Variants in RABEP1 observed in about 807,000 individuals in gnomAD.
RABEP1 encodes rab GTPase-binding effector protein 1.
A neutral mutation model predicts 123.4 loss-of-function variants in RABEP1; 51 were observed. That is an observed-to-expected ratio of 0.41 (90% CI 0.33 to 0.52). The LOEUF is 0.52. RABEP1 is among the 20% of genes least tolerant of loss of function. RABEP1 has a pLI of 0.16. For synonymous variants in RABEP1, 347 were observed against 355.2 expected (o/e 0.98, Z 0.26); for missense variants, 888 against 996.3 (o/e 0.89, Z 1.46).
chr17:5,383,353 C>T lies in RABEP1; in HGVS notation c.*130C>T. On this transcript the variant is annotated 3_prime_UTR_variant, in exon 18 of 18. Transcript: ENST00000537505. The stretch of plus-strand genomic sequence containing the variant: ...AAAAGGAAGACTGGAGAAATGCTTA[C>T]TTCTAGAGGGAGAAGACTGTGCGGC... 2 of 755,724 alleles carry T rather than the reference C, an allele frequency of 2.6e-6. No individual in the cohort carries two copies. The highest frequency in any genetic ancestry group is 2.7e-5 in the East Asian group (1 of 37,074). The allele number at this position is 755,724 out of a possible 1,614,324, so 46.8% of individuals were successfully genotyped here. A position where few individuals can be genotyped will look rare whatever the true frequency, so the allele number is the denominator to read the frequency against.
In RABEP1 at chr17:5,283,130, C is replaced by T. The variant is rs2074944597; in HGVS notation, c.34+610C>T. Among the ~76,000 whole-genome samples the T allele has an allele frequency of 2.0e-5, 3 of 152,094 alleles. No homozygotes were observed. The South Asian group carries it at 6.2e-4, about 32-fold the overall frequency. ...CTTAGCCTCGTTGAGCCTCAGTATT[C>T]TCACCCACGAATTAACCAAGAGGTT... On this transcript the variant is annotated intron_variant, in intron 1 of 17. Transcript: ENST00000537505.
At chr17:5,370,216 T>TTGTAGGTATATGATGTGTGTG (rs1910420492) in intron 12 of RABEP1, among the ~76,000 whole-genome samples, 1 of 152,210 alleles carries the variant, frequency 6.6e-6, no homozygotes, top group South Asian at 2.1e-4. Flanking sequence ...CTGTGTATGT[T>TTGTAGGTATATGATGTGTGTG]TGTAGGTATA....
intron 1 of RABEP1, among the ~76,000 whole-genome samples, chr17:5,302,673 A>G (rs1191241151): frequency 6.9e-6 from 1 of 144,642 alleles, no homozygotes; most frequent in Non-Finnish European, 1.5e-5. Context: ...AGCGACAGGC[A>G]CACACAACCA....
chr17:5,378,099 G>A, intron 14 of RABEP1, 78 bp from the exon 15 acceptor site: 2 of 1,102,634 alleles, frequency 1.8e-6, no homozygotes, highest in Non-Finnish European at 2.7e-6. Context: ...TTTGGGGGGT[G>A]CTCTAAAATT....
At chr17:5,367,399 G>A (rs1481336945) in intron 11 of RABEP1, among the ~76,000 whole-genome samples, 1 of 151,716 alleles carries the variant, frequency 6.6e-6, no homozygotes. Context: ...AGCCTCCTGA[G>A]TAGCTGGGAC....
chr17:5,295,369 A>G (rs1343447682), intron 1 of RABEP1, among the ~76,000 whole-genome samples: 3 of 150,832 alleles, frequency 2.0e-5, no homozygotes, highest in Admixed American at 1.3e-4. Context: ...AGCCTGGGCA[A>G]CAGAGGAAGA....
In RABEP1 at chr17:5,286,493, C is replaced by CA. The variant is rs879677570; in HGVS notation, c.34+3983dup. Among the ~76,000 whole-genome samples, 809 of 141,660 alleles carry CA rather than the reference C, an allele frequency of 5.7e-3. 5 individuals are homozygous for CA. The highest frequency in any genetic ancestry group is 0.018 in the Middle Eastern group (5 of 282). The allele number at this position is 141,660 out of a possible 152,430, so 92.9% of individuals were successfully genotyped here. A position where few individuals can be genotyped will look rare whatever the true frequency, so the allele number is the denominator to read the frequency against. On this transcript the variant is annotated intron_variant, in intron 1 of 17. Transcript: ENST00000537505. ...TGGGGGACAGAGTGAGACTCTGTCTCAAAAAAAAAAGAGTTGTATTGTTCA... is the reference window on the plus strand; with the variant it reads ...TGGGGGACAGAGTGAGACTCTGTCTCAAAAAAAAAAAGAGTTGTATTGTTCA...
intron 9 of RABEP1, 65 bp from the exon 10 acceptor site, chr17:5,362,847 G>A (rs1000097130): frequency 8.5e-6 from 9 of 1,057,494 alleles, no homozygotes; most frequent in Non-Finnish European, 1.2e-5. Flanking sequence ...GACTATGCAC[G>A]TGTACCTCAA....
At chr17:5,322,966 C>T (rs769252008) in intron 2 of RABEP1, among the ~76,000 whole-genome samples, 14 of 152,252 alleles carry the variant, frequency 9.2e-5, no homozygotes, top group Non-Finnish European at 1.9e-4. Context: ...ATCCCAGCTA[C>T]TCTGGAGGCT....
intron 11 of RABEP1, 63 bp from the exon 12 acceptor site, chr17:5,368,307 G>T: frequency 2.7e-6 from 3 of 1,123,602 alleles, no homozygotes; most frequent in Non-Finnish European, 2.7e-6. Flanking sequence ...TTAGAAGATG[G>T]AAGAGTTAGT....
At chr17:5,379,951 G>A (rs1911313642) in intron 15 of RABEP1, among the ~76,000 whole-genome samples, 1 of 152,164 alleles carries the variant, frequency 6.6e-6, no homozygotes, top group African/African-American at 2.4e-5. Flanking sequence ...TGCTGCATGT[G>A]TTTTTAGTGC....
At position 5,282,404 on chromosome 17, in the gene RABEP1, G is replaced by A; in HGVS notation, c.-83G>A. The A allele has an allele frequency of 8.9e-7, 1 of 1,123,908 alleles. No homozygotes were observed. Among genetic ancestry groups the A allele is most frequent in the Non-Finnish European group, 1.2e-6 (1 of 850,026 alleles). 69.6% of individuals were successfully genotyped at this position (1,123,908 alleles called of 1,614,324 possible). The stretch of plus-strand genomic sequence containing the variant: ...CGGCGGCGGCGGCGGCTCGGTTGAC[G>A]CCTCCTCCGCCAGCTGAGCCCGCGG... On this transcript the variant is annotated 5_prime_UTR_variant, in exon 1 of 18. Transcript: ENST00000537505.
At chr17:5,300,285 G>A (rs911315895) in intron 1 of RABEP1, among the ~76,000 whole-genome samples, 1 of 152,142 alleles carries the variant, frequency 6.6e-6, no homozygotes, top group Non-Finnish European at 1.5e-5. Flanking sequence ...TGATGATCTT[G>A]CCAGTTTTAA....
At position 5,386,217 on chromosome 17, in the gene RABEP1, C is replaced by T. The variant is rs767417950; in HGVS notation, c.*2994C>T. On this transcript the variant is annotated 3_prime_UTR_variant, in exon 18 of 18. Transcript: ENST00000537505. Reference sequence around the variant, plus strand: ...AGCTCCTGGTGGTGTCAGAAGTTTACATGATTGCGGATATCATTGATTTGC... The same window carrying T: ...AGCTCCTGGTGGTGTCAGAAGTTTATATGATTGCGGATATCATTGATTTGC... The T allele has an allele frequency of 2.5e-6, 4 of 1,613,232 alleles. No homozygotes were observed. Among genetic ancestry groups the T allele is most frequent in the African/African-American group, 1.3e-5 (1 of 75,002 alleles).
rs143639258 is a variant in RABEP1, at chr17:5,295,918, T to G, written c.35-12776T>G. On this transcript the variant is annotated intron_variant, in intron 1 of 17. Transcript: ENST00000537505. ...TTATTCCTTTAAATCTTCTACTGTTTTCTTAGTTACATTTGTTGGGTTCTC... is the reference window on the plus strand; with the variant it reads ...TTATTCCTTTAAATCTTCTACTGTTGTCTTAGTTACATTTGTTGGGTTCTC... Among the ~76,000 whole-genome samples, 26 of 152,356 alleles carry G rather than the reference T, an allele frequency of 1.7e-4. 1 individual carries two copies. The East Asian group carries it at 3.9e-3, about 23-fold the overall frequency.
chr17:5,331,047 TTTTTTTTTA>T lies in RABEP1; in HGVS notation c.164-901_164-893del, dbSNP rs1215826673. Among the ~76,000 whole-genome samples the T allele has an allele frequency of 1.8e-4, 22 of 119,206 alleles. No homozygotes were observed. The South Asian group carries it at 4.3e-3, about 23-fold the overall frequency. 78.2% of individuals were successfully genotyped at this position (119,206 alleles called of 152,430 possible). ...CTTAACTTTTTTTTTTTTTTTTTTT[TTTTTTTTTA>T]AAGAAACACAGCGGCTGACTGGGAA... On this transcript the variant is annotated intron_variant, in intron 2 of 17. Coordinates refer to ENST00000537505, the MANE Select transcript of RABEP1 (RefSeq NM_004703.6).
chr17:5,285,711 A>G (rs1299155408), intron 1 of RABEP1, among the ~76,000 whole-genome samples: 1 of 152,218 alleles, frequency 6.6e-6, no homozygotes, highest in Non-Finnish European at 1.5e-5. Flanking sequence ...TGATGAGGAA[A>G]CTGAAGCACA....
chr17:5,344,079 A>C (rs964174445), intron 5 of RABEP1, among the ~76,000 whole-genome samples: 1 of 152,234 alleles, frequency 6.6e-6, no homozygotes, highest in Non-Finnish European at 1.5e-5. Flanking sequence ...CTATTAATAC[A>C]AAAAGTTGAA....
intron 8 of RABEP1, among the ~76,000 whole-genome samples, chr17:5,358,453 T>G (rs1296699351): frequency 6.6e-6 from 1 of 152,062 alleles, no homozygotes; most frequent in Admixed American, 6.6e-5. Context: ...GGCGGATCAT[T>G]CGAGGCCAGG....
Sources: gnomAD v4.1 joint callset for allele counts (sites outside exome capture counted in the v4.1 genomes callset) on GRCh38, gnomAD v4.1.1 for gene constraint, MANE v1.5 for transcripts, NCBI Gene and HGNC (gene_info 2026-07-23, HGNC 2026-07-21) for gene names.